The following RGS7 variants were observed in gnomAD, a reference collection of about 807,000 sequenced individuals.
RGS7 encodes regulator of G protein signaling 7.
RGS7 carries 27 observed loss-of-function variants against 81.1 expected under a neutral mutation model. That is an observed-to-expected ratio of 0.33 (90% confidence interval 0.25 to 0.46). The LOEUF (loss-of-function observed/expected upper bound fraction) is 0.46, where lower values mean the gene tolerates loss of function less well. RGS7 is among the 20% of genes least tolerant of loss of function. The pLI is 1.00. For synonymous variants in RGS7, 208 were observed against 207.7 expected (o/e 1.00, Z -0.01); for missense variants, 396 against 607.4 (o/e 0.65, Z 3.66).
chr1:241,311,666 T>G (rs2080540654), intron 2 of RGS7, among the ~76,000 whole-genome samples: 1 of 152,202 alleles, frequency 6.6e-6, no homozygotes, highest in Non-Finnish European at 1.5e-5. Flanking sequence ...CTGGGTGCAG[T>G]TTTTTTCATT....
In RGS7 at chr1:241,062,237, T is replaced by C. The variant is rs182723160; in HGVS notation, c.175+36429A>G. ...TATCCATTAAAAACAGGCATCTGTATGGCAAGTCCCACAAGGATGATTTAA... is the reference window on the plus strand; with the variant it reads ...TATCCATTAAAAACAGGCATCTGTACGGCAAGTCCCACAAGGATGATTTAA... On this transcript the variant is annotated intron_variant, in intron 3 of 18. Coordinates refer to ENST00000440928, the MANE Select transcript of RGS7 (RefSeq NM_001364886.1). 2.7e-4 allele frequency among the ~76,000 whole-genome samples: 41 copies of C among 152,330 alleles called. No homozygotes were observed. The East Asian group carries it at 7.1e-3, about 27-fold the overall frequency.
At chr1:241,160,998 GT>G (rs922072254) in intron 2 of RGS7, among the ~76,000 whole-genome samples, 2 of 151,454 alleles carry the variant, frequency 1.3e-5, no homozygotes, top group East Asian at 3.9e-4. Context: ...AAAAGTGATA[GT>G]TTTTTTTGCC....
chr1:240,979,320 T>C (rs1170972138), intron 4 of RGS7, among the ~76,000 whole-genome samples: 1 of 152,030 alleles, frequency 6.6e-6, no homozygotes, highest in Non-Finnish European at 1.5e-5. Flanking sequence ...AAAGTATATA[T>C]AGGAAGAAAA....
At chr1:241,351,544 G>A (rs1469978132) in intron 2 of RGS7, among the ~76,000 whole-genome samples, 2 of 152,114 alleles carry the variant, frequency 1.3e-5, no homozygotes, top group African/African-American at 4.8e-5. Context: ...CAAGTAACAA[G>A]GCTGGCATCT....
intron 2 of RGS7, among the ~76,000 whole-genome samples, chr1:241,143,909 A>T (rs1016141035): frequency 1.3e-5 from 2 of 152,148 alleles, no homozygotes; most frequent in African/African-American, 4.8e-5. Flanking sequence ...GCCATGTGAA[A>T]ATACAGCGAG....
intron 2 of RGS7, among the ~76,000 whole-genome samples, chr1:241,336,149 G>A (rs962111212): frequency 2.0e-5 from 3 of 152,076 alleles, no homozygotes; most frequent in African/African-American, 7.2e-5. Flanking sequence ...TATCTGAGGA[G>A]TAGAGAGGCT....
chr1:241,295,244 C>T (rs997702126), intron 2 of RGS7, among the ~76,000 whole-genome samples: 4 of 151,792 alleles, frequency 2.6e-5, no homozygotes, highest in Non-Finnish European at 2.9e-5. Flanking sequence ...GTCAGGAGTT[C>T]AAGACCAGCC....
At chr1:241,251,445 G>T (rs2076820582) in intron 2 of RGS7, among the ~76,000 whole-genome samples, 2 of 152,126 alleles carry the variant, frequency 1.3e-5, no homozygotes, top group Non-Finnish European at 2.9e-5. Flanking sequence ...CTTGAAGTTT[G>T]CCTGGAGTGA....
intron 2 of RGS7, among the ~76,000 whole-genome samples, chr1:241,206,960 G>GTTTTTTTT (rs67087891): frequency 1.4e-5 from 1 of 70,706 alleles, no homozygotes; most frequent in Non-Finnish European, 2.5e-5. Flanking sequence ...TCTCTCTCTG[G>GTTTTTTTT]TTTTTTTTTT....
At position 240,832,313 on chromosome 1, in the gene RGS7, C is replaced by G. The variant is rs1181535109; in HGVS notation, c.610-5141G>C. The stretch of plus-strand genomic sequence containing the variant: ...AATAATGAAATGCTATTTACATCAG[C>G]CTGGAAGAGAATTGTGTTATTTCTA... On this transcript the variant is annotated intron_variant, in intron 9 of 18. Coordinates refer to ENST00000440928, the MANE Select transcript of RGS7 (RefSeq NM_001364886.1). Among the ~76,000 whole-genome samples, 3 of 152,208 alleles carry G rather than the reference C, an allele frequency of 2.0e-5. No individual in the cohort carries two copies. In the East Asian group the frequency reaches 5.8e-4, roughly 29 times the overall value.
chr1:241,239,031 C>T (rs538808144), intron 2 of RGS7, among the ~76,000 whole-genome samples: 124 of 141,198 alleles, frequency 8.8e-4, no homozygotes, highest in Non-Finnish European at 1.3e-3. Flanking sequence ...TGCCCTGGTG[C>T]GATCTCGGCT....
intron 2 of RGS7, among the ~76,000 whole-genome samples, chr1:241,167,238 T>G (rs2070333204): frequency 6.6e-6 from 1 of 152,144 alleles, no homozygotes; most frequent in Non-Finnish European, 1.5e-5. Flanking sequence ...GTGTGTTATG[T>G]GTGGGGTGAA....
chr1:241,326,401 T>C (rs536884130), intron 2 of RGS7, among the ~76,000 whole-genome samples: 2 of 152,300 alleles, frequency 1.3e-5, no homozygotes, highest in Non-Finnish European at 2.9e-5. Context: ...AGGTAGAGAA[T>C]CCTCCAGCTA....
At chr1:241,326,882 C>T (rs1377258979) in intron 2 of RGS7, among the ~76,000 whole-genome samples, 1 of 146,068 alleles carries the variant, frequency 6.8e-6, no homozygotes, top group African/African-American at 2.5e-5. Context: ...AGCTCCCCAG[C>T]CTGGGTGACA....
intron 10 of RGS7, among the ~76,000 whole-genome samples, chr1:240,825,129 A>G (rs1296324045): frequency 1.3e-5 from 2 of 152,194 alleles, no homozygotes; most frequent in South Asian, 2.1e-4. Flanking sequence ...ATGTACAGAC[A>G]TTTATCTCCT....
chr1:240,870,922 A>G (rs1216707534), intron 6 of RGS7, among the ~76,000 whole-genome samples: 1 of 152,206 alleles, frequency 6.6e-6, no homozygotes, highest in Non-Finnish European at 1.5e-5. Flanking sequence ...CACTAGGAGA[A>G]GGGTATCACA....
chr1:240,861,323 T>C (rs1662152915), intron 9 of RGS7, among the ~76,000 whole-genome samples: 2 of 152,286 alleles, frequency 1.3e-5, no homozygotes, highest in South Asian at 4.1e-4. Flanking sequence ...GTGACGTCTT[T>C]GTTGAATGCT....
intron 2 of RGS7, among the ~76,000 whole-genome samples, chr1:241,221,851 A>G (rs1015998455): frequency 5.3e-5 from 8 of 152,110 alleles, no homozygotes; most frequent in African/African-American, 1.9e-4. Context: ...AGCCTCCATA[A>G]ACATAAGCCA....
At chr1:241,280,981 T>C (rs548144377) in intron 2 of RGS7, among the ~76,000 whole-genome samples, 4 of 152,154 alleles carry the variant, frequency 2.6e-5, no homozygotes, top group African/African-American at 9.7e-5. Context: ...TCAATAAATA[T>C]ACTACAAAGT....
Sources: allele counts gnomAD v4.1 joint callset (sites outside exome capture counted in the v4.1 genomes callset), GRCh38; gene constraint gnomAD v4.1.1; transcripts MANE v1.5; gene names NCBI Gene and HGNC (gene_info 2026-07-23, HGNC 2026-07-21).